Variants in MAP6 observed in about 807,000 individuals in gnomAD.
MAP6 encodes microtubule-associated protein 6.
A neutral mutation model predicts 42.4 loss-of-function variants in MAP6; 26 were observed. That is an observed-to-expected ratio of 0.61 (90% CI 0.45 to 0.85). The LOEUF is 0.85. MAP6 is among the 40% of genes least tolerant of loss of function. MAP6 has a pLI of 0.00. For synonymous variants in MAP6, 418 were observed against 443.8 expected (o/e 0.94, Z 0.73); for missense variants, 966 against 1,099.0 (o/e 0.88, Z 1.71).
intron 1 of MAP6, among the ~76,000 whole-genome samples, chr11:75,637,502 T>C (rs1943388060): frequency 6.6e-6 from 1 of 152,046 alleles, no homozygotes; most frequent in Non-Finnish European, 1.5e-5. Flanking sequence ...GGGTGTGAAA[T>C]ATGTGATCAG....
intron 1 of MAP6, among the ~76,000 whole-genome samples, chr11:75,663,660 T>A (rs963711467): frequency 6.6e-6 from 1 of 152,230 alleles, no homozygotes; most frequent in Non-Finnish European, 1.5e-5. Context: ...AACAATTGAT[T>A]CAGAATGGCT....
At chr11:75,609,668 C>T (rs931632565) in intron 1 of MAP6, among the ~76,000 whole-genome samples, 73 of 152,198 alleles carry the variant, frequency 4.8e-4, no homozygotes, top group African/African-American at 1.7e-3. Context: ...GATTTGGTAA[C>T]ACTGAGCCAC....
At chr11:75,647,287 C>A (rs1943568589) in intron 1 of MAP6, among the ~76,000 whole-genome samples, 2 of 129,526 alleles carry the variant, frequency 1.5e-5, no homozygotes. Flanking sequence ...CCGGCTGAAA[C>A]TTACTTTTTA....
At chr11:75,625,387 T>C (rs1465043424) in intron 1 of MAP6, among the ~76,000 whole-genome samples, 2 of 152,298 alleles carry the variant, frequency 1.3e-5, no homozygotes, top group East Asian at 3.9e-4. Flanking sequence ...ATTCTTTATC[T>C]GTCAGCTATG....
chr11:75,617,256 C>G (rs371725223), intron 1 of MAP6, among the ~76,000 whole-genome samples: 1 of 152,116 alleles, frequency 6.6e-6, no homozygotes, highest in African/African-American at 2.4e-5. Flanking sequence ...GTGGCTCAAG[C>G]CTATGATCCC....
At chr11:75,629,566 CT>C (rs2135630597) in intron 1 of MAP6, among the ~76,000 whole-genome samples, 1 of 152,256 alleles carries the variant, frequency 6.6e-6, no homozygotes, top group East Asian at 1.9e-4. Flanking sequence ...GGGCAAAAGA[CT>C]TTGCTCAAAA....
At chr11:75,608,403 G>A (rs551837027) in intron 1 of MAP6, 81 bp from the exon 2 acceptor site, 4 of 1,105,858 alleles carry the variant, frequency 3.6e-6, no homozygotes, top group Non-Finnish European at 5.4e-6. Flanking sequence ...TGCAAACACA[G>A]CAAGCTCTCC....
intron 1 of MAP6, among the ~76,000 whole-genome samples, chr11:75,656,492 AG>A (rs768863334): frequency 2.0e-5 from 3 of 152,192 alleles, no homozygotes; most frequent in East Asian, 1.9e-4. Context: ...GCAGCACCAG[AG>A]GTTGGAGGTT....
At chr11:75,648,242 C>T (rs1433878652) in intron 1 of MAP6, among the ~76,000 whole-genome samples, 1 of 152,064 alleles carries the variant, frequency 6.6e-6, no homozygotes, top group Non-Finnish European at 1.5e-5. Context: ...GCTTGTAATC[C>T]CAACACTTTG....
Position 75,668,286 on chromosome 11 carries a change from C to A in MAP6, c.84G>T (p.Leu28=). The change falls in exon 1 of 4, where the codon CTG becomes CTT. Residue 28 remains leucine (L), a synonymous_variant. Transcript: ENST00000304771. ...QLDKADIAVP[L]VFTKYSEATE... ...TGGCCTCCGAGTACTTGGTGAAAAC[C>A]AGCGGCACAGCGATGTCCGCTTTGT... The A allele has an allele frequency of 6.4e-7, 1 of 1,551,446 alleles. No individual in the cohort carries two copies. The highest frequency in any genetic ancestry group is 8.6e-7 in the Non-Finnish European group (1 of 1,156,752).
Position 75,609,846 on chromosome 11 carries a change from G to T in MAP6, c.906-1524C>A, listed in dbSNP as rs77556309. Reference sequence around the variant, plus strand: ...CCCCATTGTTATGGTTCGAATGTTTGTCCCCTCTAAAACTCACGTTGAAAC... The same window carrying T: ...CCCCATTGTTATGGTTCGAATGTTTTTCCCCTCTAAAACTCACGTTGAAAC... On this transcript the variant is annotated intron_variant, in intron 1 of 3. Transcript: ENST00000304771. 6.6e-3 allele frequency among the ~76,000 whole-genome samples: 1,004 copies of T among 152,218 alleles called. 16 individuals are homozygous for T. The highest frequency in any genetic ancestry group is 0.021 in the African/African-American group (877 of 41,522).
chr11:75,627,768 T>C (rs1490315080), intron 1 of MAP6, among the ~76,000 whole-genome samples: 5 of 152,158 alleles, frequency 3.3e-5, no homozygotes, highest in African/African-American at 9.7e-5. Flanking sequence ...GGGGGTTCCG[T>C]GTCTTGACCT....
intron 1 of MAP6, chr11:75,642,959 C>A (rs940322282): frequency 4.6e-5 from 20 of 430,990 alleles, no homozygotes; most frequent in Admixed American, 1.0e-4. Flanking sequence ...TGTCAGAATA[C>A]ACTTGTTTGT....
chr11:75,635,174 GGCAGCCT>G (rs927718095), intron 1 of MAP6, among the ~76,000 whole-genome samples: 7 of 152,200 alleles, frequency 4.6e-5, no homozygotes, highest in African/African-American at 1.2e-4. Flanking sequence ...TCTTCTTGGA[GGCAGCCT>G]GCCTGGGATA....
chr11:75,648,103 A>G (rs1943592040), intron 1 of MAP6, among the ~76,000 whole-genome samples: 2 of 152,276 alleles, frequency 1.3e-5, no homozygotes, highest in African/African-American at 2.4e-5. Context: ...GACTTCCCAC[A>G]TACAAGAAAC....
chr11:75,591,911 T>C (rs992161798), intron 3 of MAP6, among the ~76,000 whole-genome samples: 6 of 152,216 alleles, frequency 3.9e-5, no homozygotes, highest in African/African-American at 1.4e-4. Context: ...GAATAACAAT[T>C]CTTGATATTT....
intron 3 of MAP6, chr11:75,594,429 T>G (rs1590751799): frequency 6.6e-6 from 1 of 152,236 alleles, no homozygotes; most frequent in East Asian, 1.9e-4. Flanking sequence ...GAAACCATCT[T>G]TGAAAGGCTC....
At chr11:75,600,116 G>T (rs929431727) in intron 3 of MAP6, among the ~76,000 whole-genome samples, 1 of 152,270 alleles carries the variant, frequency 6.6e-6, no homozygotes, top group East Asian at 1.9e-4. Flanking sequence ...TCAGAAAGTG[G>T]ACAAGTACTT....
intron 1 of MAP6, among the ~76,000 whole-genome samples, chr11:75,639,615 A>C (rs1943429202): frequency 6.6e-6 from 1 of 152,244 alleles, no homozygotes; most frequent in African/African-American, 2.4e-5. Flanking sequence ...TTCAAAGCTA[A>C]ACCCGACTGA....
Sources: gnomAD v4.1 joint callset for allele counts (sites outside exome capture counted in the v4.1 genomes callset) on GRCh38, gnomAD v4.1.1 for gene constraint, MANE v1.5 for transcripts, NCBI Gene and HGNC (gene_info 2026-07-23, HGNC 2026-07-21) for gene names.